CXCL13: variants seen among roughly 807,000 people sequenced by gnomAD.
CXCL13 encodes the protein C-X-C motif chemokine ligand 13.
A neutral mutation model predicts 12.2 loss-of-function variants in CXCL13; 7 were observed. That is an observed-to-expected ratio of 0.57 (90% CI 0.33 to 1.07). The LOEUF (loss-of-function observed/expected upper bound fraction) is 1.07. Among genes scored for constraint, CXCL13 ranks in the 50% least tolerant of loss-of-function variants. CXCL13 has a pLI of 0.04. For synonymous variants in CXCL13, 47 were observed against 42.4 expected, an observed-to-expected ratio of 1.11 and a Z score of -0.42; for missense variants, 113 against 127.4, an observed-to-expected ratio of 0.89 and a Z score of 0.55.
intron 1 of CXCL13, among the ~76,000 whole-genome samples, chr4:77,583,874 C>G (rs549246220): frequency 9.2e-5 from 14 of 152,090 alleles, no homozygotes; most frequent in Non-Finnish European, 1.8e-4. Context: ...GCTTTGTTTT[C>G]TTTGTTTGTT....
intron 1 of CXCL13, among the ~76,000 whole-genome samples, chr4:77,564,488 G>A (rs1161573408): frequency 6.6e-6 from 1 of 152,164 alleles, no homozygotes; most frequent in Non-Finnish European, 1.5e-5. Context: ...AACAGATTCT[G>A]TTCCTGATTG....
intron 1 of CXCL13, among the ~76,000 whole-genome samples, chr4:77,523,820 G>T (rs1050879640): frequency 1.3e-5 from 2 of 152,190 alleles, no homozygotes; most frequent in Admixed American, 6.5e-5. Context: ...CAGCTTTTCT[G>T]CTCTGGTTTC....
intron 1 of CXCL13, among the ~76,000 whole-genome samples, chr4:77,600,286 T>A (rs1726858873): frequency 6.6e-6 from 1 of 151,930 alleles, no homozygotes; most frequent in Non-Finnish European, 1.5e-5. Context: ...GAATAGCTAG[T>A]TAGATGAAGA....
intron 1 of CXCL13, among the ~76,000 whole-genome samples, chr4:77,533,974 G>T (rs1280538376): frequency 1.3e-5 from 2 of 152,190 alleles, no homozygotes. Flanking sequence ...CTGACCCCTT[G>T]CACTTCCCAG....
rs1231995870 is a variant in CXCL13 at position 77,559,230 on chromosome 4, T to C, written c.-42-46594T>C. On this transcript the variant is annotated intron_variant, in intron 1 of 4. Transcript: ENST00000286758. Reference sequence around the variant, plus strand: ...AGGTTTATCAGGAGGTTCCCTTGGCTCCAACACCTGGGGAAGAAAGGGGAC... The same window carrying C: ...AGGTTTATCAGGAGGTTCCCTTGGCCCCAACACCTGGGGAAGAAAGGGGAC... Among the ~76,000 whole-genome samples, 9 of 152,176 alleles carry C rather than the reference T, an allele frequency of 5.9e-5. No homozygotes were observed. In the East Asian group the frequency reaches 1.7e-3, roughly 29 times the overall value.
intron 1 of CXCL13, among the ~76,000 whole-genome samples, chr4:77,546,721 T>C (rs1317943052): frequency 1.3e-5 from 2 of 152,196 alleles, no homozygotes; most frequent in Non-Finnish European, 1.5e-5. Context: ...TTGGAGAGAT[T>C]TTGTGTCTCT....
At position 77,600,658 on chromosome 4, in the gene CXCL13, T is replaced by C. The variant is rs150785778; in HGVS notation, c.-42-5166T>C. On this transcript the variant is annotated intron_variant, in intron 1 of 4. Coordinates refer to the CXCL13 transcript ENST00000286758. ...CTTTAAAAGCAAAAGCACAATTGCT[T>C]GATCACTTTGACATTGGTATGTGGT... 9.8e-4 allele frequency among the ~76,000 whole-genome samples: 150 copies of C among 152,334 alleles called. 3 individuals carry two copies. Among genetic ancestry groups the C allele is most frequent in the African/African-American group, 3.5e-3 (147 of 41,572 alleles).
chr4:77,582,553 G>T (rs1414425245), intron 1 of CXCL13, among the ~76,000 whole-genome samples: 2 of 152,162 alleles, frequency 1.3e-5, no homozygotes, highest in African/African-American at 2.4e-5. Flanking sequence ...AAACCAGCGT[G>T]GGGGAAGCTT....
At chr4:77,542,022 T>C (rs1368117527) in intron 1 of CXCL13, among the ~76,000 whole-genome samples, 1 of 152,132 alleles carries the variant, frequency 6.6e-6, no homozygotes, top group Admixed American at 6.6e-5. Flanking sequence ...ATACTATTTG[T>C]GTATAGAAAT....
At chr4:77,529,394 G>A (rs370047858) in intron 1 of CXCL13, among the ~76,000 whole-genome samples, 1 of 152,050 alleles carries the variant, frequency 6.6e-6, no homozygotes, top group East Asian at 1.9e-4. Context: ...CACAATATTG[G>A]TTCTTCCTAC....
chr4:77,531,429 G>C (rs546839179), intron 1 of CXCL13, among the ~76,000 whole-genome samples: 11 of 151,684 alleles, frequency 7.3e-5, no homozygotes, highest in Admixed American at 3.9e-4. Flanking sequence ...TATAATTTCT[G>C]TTCTTCTACA....
At chr4:77,542,655 G>T (rs1725233648) in intron 1 of CXCL13, among the ~76,000 whole-genome samples, 1 of 152,068 alleles carries the variant, frequency 6.6e-6, no homozygotes, top group Admixed American at 6.6e-5. Context: ...TGTTTACGTG[G>T]TGAATCACAT....
intron 1 of CXCL13, among the ~76,000 whole-genome samples, chr4:77,576,913 TATC>T (rs2109822066): frequency 6.6e-6 from 1 of 152,326 alleles, no homozygotes; most frequent in African/African-American, 2.4e-5. Context: ...TTTCCAAACT[TATC>T]ATACATTTGT....
intron 1 of CXCL13, among the ~76,000 whole-genome samples, chr4:77,552,466 A>T (rs952008118): frequency 2.0e-4 from 30 of 152,324 alleles, no homozygotes; most frequent in African/African-American, 6.7e-4. Flanking sequence ...TGGCCAGTAC[A>T]GCTGGGTATA....
chr4:77,513,060 A>G (rs929576401), intron 1 of CXCL13, among the ~76,000 whole-genome samples: 5 of 152,108 alleles, frequency 3.3e-5, no homozygotes, highest in Admixed American at 2.0e-4. Flanking sequence ...TAGTTTGCTG[A>G]GAATGATGGT....
chr4:77,593,296 G>C (rs953561022), intron 1 of CXCL13, among the ~76,000 whole-genome samples: 2 of 152,222 alleles, frequency 1.3e-5, no homozygotes, highest in Admixed American at 6.5e-5. Flanking sequence ...AGCCAACAAG[G>C]CTTGAAAGAA....
rs1727146307 is a variant in CXCL13, at chr4:77,611,276, A to C, written c.*237A>C. The C allele has an allele frequency of 7.1e-6, 3 of 423,732 alleles. No individual in the cohort carries two copies. Among genetic ancestry groups the C allele is most frequent in the Non-Finnish European group, 1.3e-5 (3 of 239,914 alleles). 26.2% of individuals were successfully genotyped at this position (423,732 alleles called of 1,614,324 possible). A position where few individuals can be genotyped will look rare whatever the true frequency, so the allele number is the denominator to read the frequency against. On this transcript the variant is annotated 3_prime_UTR_variant, in exon 4 of 4. Coordinates refer to ENST00000682537, the MANE Select transcript of CXCL13 (RefSeq NM_001371558.1). ...TTCATCAGGGAGGAAAGTTTCTTTG[A>C]AAATAGTTATTCAGTTATAAGTAAT... is the stretch of plus-strand genomic sequence containing the variant.
At chr4:77,607,392 G>A (rs951224877) in intron 1 of CXCL13, among the ~76,000 whole-genome samples, 1 of 151,928 alleles carries the variant, frequency 6.6e-6, no homozygotes, top group Non-Finnish European at 1.5e-5. Context: ...TCCGTTTGTT[G>A]CCCAGGCTGG....
intron 1 of CXCL13, among the ~76,000 whole-genome samples, chr4:77,525,971 T>G (rs1025481254): frequency 8.6e-5 from 13 of 151,552 alleles, no homozygotes; most frequent in African/African-American, 3.1e-4. Context: ...ATGCTACTAC[T>G]GCAGGCCACA....
Sources: allele counts gnomAD v4.1 joint callset (sites outside exome capture counted in the v4.1 genomes callset), GRCh38; gene constraint gnomAD v4.1.1; transcripts MANE v1.5; gene names NCBI Gene and HGNC (gene_info 2026-07-23, HGNC 2026-07-21).